Variants in OPRM1 observed in about 807,000 individuals in gnomAD.
The protein encoded by OPRM1 is mu-type opioid receptor.
Under a neutral mutation model 31.8 loss-of-function variants are expected in OPRM1, and 27 were observed. That is an observed-to-expected ratio of 0.85 (90% CI 0.63 to 1.17). The LOEUF is 1.17. Among genes scored for constraint, OPRM1 ranks in the 50% most tolerant of loss-of-function variants. The pLI is 0.00. For synonymous variants in OPRM1, 196 were observed against 189.9 expected, an observed-to-expected ratio of 1.03 and a Z score of -0.26; for missense variants, 536 against 511.1, an observed-to-expected ratio of 1.05 and a Z score of -0.47.
intron 3 of OPRM1, among the ~76,000 whole-genome samples, chr6:154,106,985 A>T (rs653011): frequency 0.89 from 135,289 of 152,262 alleles, 60,248 homozygotes; most frequent in East Asian, 0.98. Flanking sequence ...AAAGAGGCAT[A>T]AAATATTCTA....
intron 3 of OPRM1, chr6:154,107,882 C>T: frequency 1.5e-6 from 1 of 678,382 alleles, no homozygotes; most frequent in Non-Finnish European, 2.7e-6. Flanking sequence ...ACAAAATACA[C>T]CAGCTTAAAA....
rs9479764 is a variant in OPRM1, at chr6:154,151,186, C to T, written c.1164+59714C>T. 6.1e-3 allele frequency among the ~76,000 whole-genome samples: 935 copies of T among 152,314 alleles called. 9 individuals carry two copies. Among genetic ancestry groups the T allele is most frequent in the African/African-American group, 0.022 (899 of 41,552 alleles). On this transcript the variant is annotated intron_variant, in intron 3 of 3. Transcript: ENST00000337049. The stretch of plus-strand genomic sequence containing the variant: ...TACGATCGGTATCCTGGGTCCTTTC[C>T]AGTACTAACCGCCTTAGGCTGGAAG...
chr6:154,173,129 C>T (rs1800013292), intron 3 of OPRM1, among the ~76,000 whole-genome samples: 1 of 152,180 alleles, frequency 6.6e-6, no homozygotes, highest in Non-Finnish European at 1.5e-5. Context: ...TCAACATCAA[C>T]AAAAAGGAAG....
At chr6:154,219,733 CA>C (rs1778700863) in intron 3 of OPRM1, among the ~76,000 whole-genome samples, 1 of 151,908 alleles carries the variant, frequency 6.6e-6, no homozygotes, top group South Asian at 2.1e-4. Context: ...TTAAGAAAAC[CA>C]AGGGGATAAA....
At chr6:154,025,579 G>A (rs1380473465) in intron 1 of OPRM1, among the ~76,000 whole-genome samples, 2 of 151,832 alleles carry the variant, frequency 1.3e-5, no homozygotes, top group African/African-American at 4.8e-5. Flanking sequence ...TTTGTTTTCT[G>A]GTTGTTTTGT....
upstream of OPRM1, among the ~76,000 whole-genome samples, chr6:154,038,326 G>GA (rs199771957): frequency 3.3e-5 from 5 of 149,560 alleles, no homozygotes; most frequent in South Asian, 4.3e-4. Context: ...GTTAACTTTA[G>GA]AAAAAAAAAG....
chr6:154,051,149 G>A (rs545244827), intron 1 of OPRM1, among the ~76,000 whole-genome samples: 30 of 152,224 alleles, frequency 2.0e-4, no homozygotes, highest in African/African-American at 7.0e-4. Context: ...TACCTAATAA[G>A]TAATAACCAT....
chr6:154,176,076 T>A (rs1276218214), intron 3 of OPRM1, among the ~76,000 whole-genome samples: 2 of 152,180 alleles, frequency 1.3e-5, no homozygotes, highest in African/African-American at 4.8e-5. Flanking sequence ...AAAAACCACA[T>A]GATTATGTCA....
At chr6:154,209,643 C>CAA (rs34423257) in intron 3 of OPRM1, among the ~76,000 whole-genome samples, 4 of 107,920 alleles carry the variant, frequency 3.7e-5, no homozygotes, top group East Asian at 5.5e-4. Flanking sequence ...GACTGTGTCT[C>CAA]AAAAAAAAAA....
intron 1 of OPRM1, among the ~76,000 whole-genome samples, chr6:154,045,733 G>A (rs1583208886): frequency 6.6e-6 from 1 of 152,144 alleles, no homozygotes; most frequent in Non-Finnish European, 1.5e-5. Flanking sequence ...TTCTGCCCTA[G>A]GGCTTCTCTA....
intron 1 of OPRM1, among the ~76,000 whole-genome samples, chr6:154,088,681 G>A (rs17181171): frequency 0.1 from 15,432 of 152,116 alleles, 863 homozygotes; most frequent in African/African-American, 0.14. Flanking sequence ...TTAATTATGC[G>A]TTATTTATTA....
Position 154,126,612 on chromosome 6 carries a change from G to A in OPRM1, c.*7891G>A, listed in dbSNP as rs954246776. Among the ~76,000 whole-genome samples the A allele has an allele frequency of 6.6e-6, 1 of 152,112 alleles. No homozygotes were observed. The highest frequency in any genetic ancestry group is 1.5e-5 in the Non-Finnish European group (1 of 68,034). ...GGCAATGTCACCACCCTACACTGCT[G>A]TGACACCGAAACAACCAAGCCTAGA... On this transcript the variant is annotated 3_prime_UTR_variant, in exon 4 of 4. Coordinates refer to ENST00000330432, the MANE Select transcript of OPRM1 (RefSeq NM_000914.5).
intron 1 of OPRM1, among the ~76,000 whole-genome samples, chr6:154,066,652 A>G: frequency 6.6e-6 from 1 of 151,812 alleles, no homozygotes; most frequent in Non-Finnish European, 1.5e-5. Flanking sequence ...GCATTAATGG[A>G]ATTAGTAGTC....
upstream of OPRM1, among the ~76,000 whole-genome samples, chr6:154,036,058 A>G (rs1271864293): frequency 1.3e-5 from 2 of 152,088 alleles, no homozygotes. Flanking sequence ...CTTTCACAAC[A>G]GACTTCAGAC....
At chr6:154,140,429 C>T (rs752531678) in intron 3 of OPRM1, among the ~76,000 whole-genome samples, 1 of 151,846 alleles carries the variant, frequency 6.6e-6, no homozygotes, top group South Asian at 2.1e-4. Context: ...CTCCCAGGTT[C>T]AAGCGATTCT....
downstream of OPRM1, among the ~76,000 whole-genome samples, chr6:154,135,048 A>G (rs1033941620): frequency 6.6e-6 from 1 of 152,242 alleles, no homozygotes; most frequent in African/African-American, 2.4e-5. Flanking sequence ...AGTCAAATCT[A>G]TAGTCCGCAT....
intron 3 of OPRM1, among the ~76,000 whole-genome samples, chr6:154,246,116 G>C (rs1583897515): frequency 6.6e-6 from 1 of 152,090 alleles, no homozygotes; most frequent in East Asian, 1.9e-4. Flanking sequence ...GAAGGTCGGG[G>C]GAAAGAAGGG....
At chr6:154,086,423 C>CT (rs200072913) in intron 1 of OPRM1, 52 of 272,134 alleles carry the variant, frequency 1.9e-4, no homozygotes, top group Middle Eastern at 1.8e-3. Flanking sequence ...TAAATATTCA[C>CT]TTTTTTTTGG....
At chr6:154,160,261 A>C (rs1415782677) in intron 3 of OPRM1, among the ~76,000 whole-genome samples, 1 of 152,246 alleles carries the variant, frequency 6.6e-6, no homozygotes, top group Admixed American at 6.5e-5. Flanking sequence ...AGTTAGTGGA[A>C]GAGCTAGACA....
Sources: allele counts gnomAD v4.1 joint callset (sites outside exome capture counted in the v4.1 genomes callset), GRCh38; gene constraint gnomAD v4.1.1; transcripts MANE v1.5; gene names NCBI Gene and HGNC (gene_info 2026-07-23, HGNC 2026-07-21).